RBMS3: variants seen among roughly 807,000 people sequenced by gnomAD.
RBMS3 encodes the protein RNA binding motif single stranded interacting protein 3, also known as RNA-binding motif, single-stranded-interacting protein 3.
Under a neutral mutation model 66.8 loss-of-function variants are expected in RBMS3, and 27 were observed. That is an observed-to-expected ratio of 0.40 (90% CI 0.30 to 0.56). The LOEUF (loss-of-function observed/expected upper bound fraction) is 0.56, where lower values mean the gene tolerates loss of function less well. RBMS3 is among the 20% of genes least tolerant of loss of function. RBMS3 has a pLI of 0.40. For missense variants in RBMS3, 513 were observed against 549.5 expected (o/e 0.93, Z 0.66); for synonymous variants, 188 against 183.0 (o/e 1.03, Z -0.22).
intron 4 of RBMS3, among the ~76,000 whole-genome samples, chr3:29,609,989 G>T (rs2048440452): frequency 6.6e-6 from 1 of 152,046 alleles, no homozygotes; most frequent in Non-Finnish European, 1.5e-5. Context: ...TTGCATGTAT[G>T]CTGCTAAAAC....
At chr3:29,972,722 G>A (rs951705560) in intron 12 of RBMS3, among the ~76,000 whole-genome samples, 6 of 152,034 alleles carry the variant, frequency 3.9e-5, no homozygotes, top group African/African-American at 1.4e-4. Flanking sequence ...GTGTGGGCTG[G>A]AGACCATCAA....
chr3:29,379,393 G>A (rs990676246), intron 1 of RBMS3, among the ~76,000 whole-genome samples: 2 of 152,136 alleles, frequency 1.3e-5, no homozygotes, highest in Admixed American at 6.6e-5. Context: ...AGAGAAATTT[G>A]CCTCTGTATT....
intron 6 of RBMS3, among the ~76,000 whole-genome samples, chr3:29,798,765 C>T (rs1237394268): frequency 1.3e-5 from 2 of 152,106 alleles, no homozygotes. Flanking sequence ...GTGTCTATAT[C>T]CATAATAACC....
rs142682161 is a variant in RBMS3 at position 29,782,505 on chromosome 3, C to G, written c.637+19516C>G. Among the ~76,000 whole-genome samples the G allele has an allele frequency of 7.2e-3, 1,095 of 152,296 alleles. 15 individuals are homozygous for G. Among genetic ancestry groups the G allele is most frequent in the African/African-American group, 0.025 (1,053 of 41,548 alleles). On this transcript the variant is annotated intron_variant, in intron 6 of 14. Transcript: ENST00000383767. ...GGAGAACACCACATCAAGGGAGCAT[C>G]CCGTGGGACAAAAGAATCTGAACAA...
chr3:29,283,569 C>A (rs1018671636), intron 1 of RBMS3, among the ~76,000 whole-genome samples: 1 of 151,946 alleles, frequency 6.6e-6, no homozygotes, highest in Admixed American at 6.6e-5. Context: ...TTTTGGAGTT[C>A]TATGTAGTTT....
intron 4 of RBMS3, among the ~76,000 whole-genome samples, chr3:29,606,990 A>G (rs1442176668): frequency 1.3e-5 from 2 of 152,052 alleles, no homozygotes; most frequent in Non-Finnish European, 2.9e-5. Context: ...AAATAAAATA[A>G]TCTGACAGAG....
At chr3:29,755,657 G>A (rs887230751) in intron 5 of RBMS3, among the ~76,000 whole-genome samples, 2 of 152,216 alleles carry the variant, frequency 1.3e-5, no homozygotes, top group African/African-American at 4.8e-5. Context: ...TCAGAGGAGG[G>A]CCTGCTTGGA....
chr3:29,993,015 A>C (rs1460735319), intron 14 of RBMS3, among the ~76,000 whole-genome samples: 1 of 152,194 alleles, frequency 6.6e-6, no homozygotes, highest in African/African-American at 2.4e-5. Flanking sequence ...AGTATACATT[A>C]AGAGATTTGT....
intron 4 of RBMS3, among the ~76,000 whole-genome samples, chr3:29,660,220 G>A (rs2050486332): frequency 6.6e-6 from 1 of 151,902 alleles, no homozygotes; most frequent in Non-Finnish European, 1.5e-5. Flanking sequence ...TCATATATTT[G>A]ATGGTCTGTT....
At chr3:29,335,235 T>G (rs191490075) in intron 1 of RBMS3, among the ~76,000 whole-genome samples, 8 of 152,242 alleles carry the variant, frequency 5.3e-5, no homozygotes, top group Admixed American at 2.0e-4. Context: ...AGAGCAAACA[T>G]TATTTACTCC....
At chr3:29,814,442 C>A (rs2057818486) in intron 6 of RBMS3, among the ~76,000 whole-genome samples, 1 of 152,096 alleles carries the variant, frequency 6.6e-6, no homozygotes, top group East Asian at 1.9e-4. Context: ...CTAAAATTCT[C>A]TTTTTTGGTT....
chr3:29,301,586 G>A (rs953545497), intron 1 of RBMS3, among the ~76,000 whole-genome samples: 1 of 151,922 alleles, frequency 6.6e-6, no homozygotes, highest in Non-Finnish European at 1.5e-5. Context: ...AGGAGTTTTT[G>A]TCAGAAAGAA....
chr3:29,598,221 G>T (rs930688806), intron 4 of RBMS3, among the ~76,000 whole-genome samples: 1 of 152,076 alleles, frequency 6.6e-6, no homozygotes, highest in Non-Finnish European at 1.5e-5. Flanking sequence ...ATACCAGAAT[G>T]CAGCACACAG....
In RBMS3 at chr3:29,863,215, T is replaced by C. The variant is rs540480905; in HGVS notation, c.638-5643T>C. ...GGGAACATCAAACACCGGAGCCTGT[T>C]GTGGGGTGGGGGGAGAGGGGGAGGG... On this transcript the variant is annotated intron_variant, in intron 6 of 14. Coordinates refer to ENST00000383767, the MANE Select transcript of RBMS3 (RefSeq NM_001003793.3). Among the ~76,000 whole-genome samples, 11 of 145,940 alleles carry C rather than the reference T, an allele frequency of 7.5e-5. No homozygotes were observed. The South Asian group carries it at 1.8e-3, about 24-fold the overall frequency.
At chr3:29,994,553 G>T (rs1474308795) in intron 14 of RBMS3, among the ~76,000 whole-genome samples, 2 of 152,236 alleles carry the variant, frequency 1.3e-5, no homozygotes, top group Non-Finnish European at 2.9e-5. Flanking sequence ...GAAGAGAGCA[G>T]TGGTTCTCCC....
intron 4 of RBMS3, among the ~76,000 whole-genome samples, chr3:29,728,665 T>A (rs895507240): frequency 2.6e-5 from 4 of 152,178 alleles, no homozygotes; most frequent in African/African-American, 9.6e-5. Context: ...ATATTAAGGA[T>A]CACAGTTTAC....
chr3:29,622,447 C>A (rs1286008891), intron 4 of RBMS3, among the ~76,000 whole-genome samples: 2 of 151,998 alleles, frequency 1.3e-5, no homozygotes, highest in Non-Finnish European at 2.9e-5. Context: ...TAATATGAAT[C>A]TAAATATAGT....
chr3:29,848,336 C>T (rs80084071), intron 6 of RBMS3, among the ~76,000 whole-genome samples: 3,306 of 152,300 alleles, frequency 0.022, 130 homozygotes, highest in African/African-American at 0.077. Flanking sequence ...CGGCCACGTG[C>T]TCCCTTACTC....
intron 8 of RBMS3, among the ~76,000 whole-genome samples, chr3:29,884,524 A>G (rs1402889661): frequency 7.2e-6 from 1 of 138,926 alleles, no homozygotes; most frequent in Non-Finnish European, 1.5e-5. Context: ...GAACAGGTAA[A>G]GCTAGGCTGA....
Sources: allele counts gnomAD v4.1 joint callset (sites outside exome capture counted in the v4.1 genomes callset), GRCh38; gene constraint gnomAD v4.1.1; transcripts MANE v1.5; gene names NCBI Gene and HGNC (gene_info 2026-07-23, HGNC 2026-07-21).